Variants in LRP1B observed in about 807,000 individuals in gnomAD.
LRP1B encodes the protein low-density lipoprotein receptor-related protein 1B.
LRP1B carries 217 observed loss-of-function variants against 556.6 expected under a neutral mutation model. The ratio of observed to expected loss-of-function variants is 0.39; its 90% CI spans 0.35 to 0.44. The LOEUF (loss-of-function observed/expected upper bound fraction) is 0.44, where lower values mean the gene tolerates loss of function less well. Among genes scored for constraint, LRP1B ranks in the 20% least tolerant of loss-of-function variants. The pLI, the probability that LRP1B is intolerant of heterozygous loss-of-function variation, is 1.00. For synonymous variants in LRP1B, 2,047 were observed against 1,865.8 expected (o/e 1.10, Z -2.50); for missense variants, 5,053 against 5,620.8 (o/e 0.90, Z 3.23).
chr2:141,202,953 C>T (rs1322509602), intron 6 of LRP1B, among the ~76,000 whole-genome samples: 1 of 151,946 alleles, frequency 6.6e-6, no homozygotes, highest in Non-Finnish European at 1.5e-5. Context: ...TGTTCAACTC[C>T]CAATTATGAG....
intron 35 of LRP1B, among the ~76,000 whole-genome samples, chr2:140,734,783 G>A (rs1279259685): frequency 2.7e-5 from 4 of 149,748 alleles, no homozygotes; most frequent in African/African-American, 9.8e-5. Context: ...TGCAACATGT[G>A]GAGCTCCTCT....
At chr2:140,811,704 A>T (rs1357460081) in intron 32 of LRP1B, among the ~76,000 whole-genome samples, 1 of 152,144 alleles carries the variant, frequency 6.6e-6, no homozygotes, top group Non-Finnish European at 1.5e-5. Context: ...CAAAGACATA[A>T]GACAAAATAT....
At chr2:140,995,002 A>C (rs756892290) in intron 15 of LRP1B, among the ~76,000 whole-genome samples, 1 of 151,994 alleles carries the variant, frequency 6.6e-6, no homozygotes, top group Non-Finnish European at 1.5e-5. Flanking sequence ...CTAAAACACT[A>C]CTGAGAAGTG....
At chr2:141,521,559 C>T (rs1684530198) in intron 2 of LRP1B, among the ~76,000 whole-genome samples, 1 of 151,276 alleles carries the variant, frequency 6.6e-6, no homozygotes. Context: ...TTGATCCTGC[C>T]AGTTGCATAA....
At chr2:141,305,030 T>C (rs300347) in intron 3 of LRP1B, among the ~76,000 whole-genome samples, 146,139 of 152,266 alleles carry the variant, frequency 0.96, 70,416 homozygotes, top group East Asian at 1. Flanking sequence ...GATGCCTACA[T>C]TTTTGTTCTT....
chr2:141,532,648 A>C (rs545186500), intron 2 of LRP1B, among the ~76,000 whole-genome samples: 1 of 152,014 alleles, frequency 6.6e-6, no homozygotes, highest in African/African-American at 2.4e-5. Context: ...TAATTTTCAG[A>C]ATAGCTATTT....
chr2:141,893,369 T>G (rs1382467782), intron 1 of LRP1B, among the ~76,000 whole-genome samples: 2 of 152,066 alleles, frequency 1.3e-5, no homozygotes, highest in African/African-American at 4.8e-5. Flanking sequence ...CCTGGCTAAT[T>G]TTTGTATTTT....
At chr2:141,948,886 C>T (rs912789360) in intron 1 of LRP1B, among the ~76,000 whole-genome samples, 3 of 151,756 alleles carry the variant, frequency 2.0e-5, no homozygotes, top group Non-Finnish European at 4.4e-5. Context: ...TTTTATACTA[C>T]ACAAAAAATT....
intron 10 of LRP1B, among the ~76,000 whole-genome samples, chr2:141,052,984 A>T (rs913154866): frequency 6.6e-6 from 1 of 152,014 alleles, no homozygotes; most frequent in African/African-American, 2.4e-5. Context: ...TGATAAACCT[A>T]GTACTTCATT....
chr2:141,586,941 C>CAAAAAA (rs769891211), intron 2 of LRP1B, among the ~76,000 whole-genome samples: 1,070 of 71,376 alleles, frequency 0.015, 32 homozygotes, highest in Middle Eastern at 0.034. Context: ...GACTCCATCT[C>CAAAAAA]AAAAAAAAAA....
At chr2:141,095,792 G>A (rs1487822809) in intron 7 of LRP1B, among the ~76,000 whole-genome samples, 1 of 152,030 alleles carries the variant, frequency 6.6e-6, no homozygotes, top group Non-Finnish European at 1.5e-5. Context: ...GTTTCAGCAG[G>A]TGTTGCTGGC....
rs2105187116 is a variant in LRP1B at position 140,883,908 on chromosome 2, C to T, written c.4078G>A (p.Glu1360Lys). The change falls in exon 25 of 91, where the codon GAA becomes AAA. Residue 1360 changes from glutamate (E) to lysine (K), a missense_variant. By Grantham distance (56) the Glu-to-Lys change is moderately conservative. Coordinates refer to ENST00000389484, the MANE Select transcript of LRP1B (RefSeq NM_018557.3). ...YWIDSNLDQI[E>K]VAKLDGSLRT... is the part of the protein sequence containing the mutation. ...AGGGAGCCATCTAGTTTGGCCACTT[C>T]GATTTGGTCCAGATTGCTGTCTATC... The T allele has an allele frequency of 1.9e-6, 3 of 1,613,842 alleles. No homozygotes were observed. The highest frequency in any genetic ancestry group is 2.5e-6 in the Non-Finnish European group (3 of 1,179,946).
intron 2 of LRP1B, among the ~76,000 whole-genome samples, chr2:141,554,414 G>GAT (rs1464072192): frequency 6.7e-6 from 1 of 150,324 alleles, no homozygotes; most frequent in African/African-American, 2.4e-5. Context: ...TATAGGAATA[G>GAT]ATATAGATAC....
intron 1 of LRP1B, among the ~76,000 whole-genome samples, chr2:141,819,353 C>T (rs1325928972): frequency 6.6e-6 from 1 of 152,144 alleles, no homozygotes; most frequent in Non-Finnish European, 1.5e-5. Context: ...TTCTATTTTA[C>T]TTTGCTGTAT....
chr2:142,085,360 T>C (rs554939211), intron 1 of LRP1B, among the ~76,000 whole-genome samples: 39 of 152,320 alleles, frequency 2.6e-4, no homozygotes, highest in Middle Eastern at 3.4e-3. Context: ...GTACTATTTG[T>C]ATAACTTTCT....
chr2:140,665,300 C>A (rs974456253), intron 41 of LRP1B, among the ~76,000 whole-genome samples: 2 of 152,114 alleles, frequency 1.3e-5, no homozygotes, highest in African/African-American at 2.4e-5. Context: ...AAAGTTCACT[C>A]ATATTTAATC....
At chr2:141,333,207 C>T (rs1687721890) in intron 3 of LRP1B, among the ~76,000 whole-genome samples, 1 of 152,046 alleles carries the variant, frequency 6.6e-6, no homozygotes, top group Admixed American at 6.5e-5. Flanking sequence ...TGACATTCAG[C>T]TTGAGAATCA....
chr2:141,830,638 A>G (rs1324805089), intron 1 of LRP1B, among the ~76,000 whole-genome samples: 1 of 151,838 alleles, frequency 6.6e-6, no homozygotes, highest in East Asian at 1.9e-4. Flanking sequence ...ACAGTCTATA[A>G]TTTAAGTCTA....
intron 83 of LRP1B, among the ~76,000 whole-genome samples, chr2:140,301,897 A>G (rs1192460513): frequency 6.6e-6 from 1 of 151,890 alleles, no homozygotes; most frequent in Non-Finnish European, 1.5e-5. Flanking sequence ...ATGTGTGTGT[A>G]TATATACACA....
Sources: gnomAD v4.1 joint callset for allele counts (sites outside exome capture counted in the v4.1 genomes callset) on GRCh38, gnomAD v4.1.1 for gene constraint, MANE v1.5 for transcripts, NCBI Gene and HGNC (gene_info 2026-07-23, HGNC 2026-07-21) for gene names.